The following SLC25A29 variants were observed in gnomAD, a reference collection of about 807,000 sequenced individuals.
SLC25A29 encodes solute carrier family 25 member 29.
A neutral mutation model predicts 10.0 loss-of-function variants in SLC25A29; 13 were observed. The ratio of observed to expected loss-of-function variants is 1.30; its 90% CI spans 0.85 to 2.07. The LOEUF (loss-of-function observed/expected upper bound fraction) is 2.07. Ranked by LOEUF, SLC25A29 falls within the 30% of genes most tolerant of loss-of-function variation. The pLI is 0.00. For synonymous variants in SLC25A29, 244 were observed against 221.1 expected (o/e 1.10, Z -0.92); for missense variants, 475 against 447.6 (o/e 1.06, Z -0.55).
At position 100,292,967 on chromosome 14, in the gene SLC25A29, C is replaced by T. The variant is rs1378321035; in HGVS notation, c.228G>A (p.Val76=). The T allele has an allele frequency of 1.2e-6, 2 of 1,601,230 alleles. No homozygotes were observed. Among genetic ancestry groups the T allele is most frequent in the South Asian group, 2.2e-5 (2 of 89,352 alleles). ...LMGLTFINAL[V]FGVQGNTLRA... is the part of the protein sequence containing the mutation. ...GGAGGGTGTTGCCCTGCACCCCGAA[C>T]ACCAGCGCGTTGATGAAGGTGAGCC... Residue 76 remains valine (V), a synonymous_variant, in exon 4 of 4, where the codon GTG becomes GTA. Coordinates refer to ENST00000359232, the MANE Select transcript of SLC25A29 (RefSeq NM_001039355.3).
At chr14:100,287,635 C>CA (rs1384166814), downstream of SLC25A29, among the ~76,000 whole-genome samples, 1 of 111,324 alleles carries the variant, frequency 9.0e-6, no homozygotes, top group Non-Finnish European at 2.0e-5. Context: ...ACCACCCCCC[C>CA]CCTCCGAATT....
chr14:100,302,506 C>T (rs759280605), intron 1 of SLC25A29, among the ~76,000 whole-genome samples: 36 of 151,802 alleles, frequency 2.4e-4, no homozygotes, highest in Non-Finnish European at 3.4e-4. Context: ...ACTACAGGTG[C>T]GTGCCACCAC....
chr14:100,289,568 C>T (rs1490821804), downstream of SLC25A29, among the ~76,000 whole-genome samples: 2 of 152,108 alleles, frequency 1.3e-5, no homozygotes, highest in African/African-American at 4.8e-5. Context: ...AGAGGCCGGG[C>T]GCAGTGGCTC....
downstream of SLC25A29, among the ~76,000 whole-genome samples, chr14:100,287,272 T>C (rs1410584158): frequency 6.6e-6 from 1 of 152,242 alleles, no homozygotes; most frequent in East Asian, 1.9e-4. Flanking sequence ...GGCTCTGAGA[T>C]TGGAAAAACA....
chr14:100,292,012 G>A lies in SLC25A29; in HGVS notation c.*271C>T. The stretch of plus-strand genomic sequence containing the variant: ...CCAGGATAACGGTGCAATGGCCTCA[G>A]CCAGGCCAGGTGCTGGCTGCTGCTG... On this transcript the variant is annotated 3_prime_UTR_variant, in exon 4 of 4. Coordinates refer to ENST00000359232, the MANE Select transcript of SLC25A29 (RefSeq NM_001039355.3). 6.1e-6 allele frequency: 3 copies of A among 488,790 alleles called. No homozygotes were observed. Among genetic ancestry groups the A allele is most frequent in the South Asian group, 2.2e-5 (1 of 46,154 alleles). The allele number at this position is 488,790 out of a possible 1,614,324, so 30.3% of individuals were successfully genotyped here.
At chr14:100,299,767 C>T (rs1892417918) in intron 1 of SLC25A29, 2 of 985,454 alleles carry the variant, frequency 2.0e-6, no homozygotes, top group South Asian at 4.7e-5. Context: ...CTCCCATGCT[C>T]CTCTCCCTGG....
At chr14:100,287,635 C>G (rs376337746), downstream of SLC25A29, among the ~76,000 whole-genome samples, 178 of 111,436 alleles carry the variant, frequency 1.6e-3, 4 homozygotes, top group African/African-American at 5.2e-3. Flanking sequence ...ACCACCCCCC[C>G]CCTCCGAATT....
chr14:100,301,082 G>A (rs1036286888), intron 1 of SLC25A29, among the ~76,000 whole-genome samples: 2 of 151,728 alleles, frequency 1.3e-5, no homozygotes. Flanking sequence ...TGTATGTTTA[G>A]TAGAGACAGA....
chr14:100,279,224 T>C, the SLC25A29 span: 1 of 152,232 alleles, frequency 6.6e-6, no homozygotes, highest in Non-Finnish European at 1.5e-5. Context: ...AGTGCAAACA[T>C]ACTGTGTGTC....
rs1595347376 is a variant in SLC25A29, at chr14:100,291,841, C to A, written c.*442G>T. ...CAGACCAGAGGGGTGGCCCACCACC[C>A]CCCCGGGTGGAGGATGTGTGGAGTT... On this transcript the variant is annotated 3_prime_UTR_variant, in exon 4 of 4. Coordinates refer to ENST00000359232, the MANE Select transcript of SLC25A29 (RefSeq NM_001039355.3). The A allele has an allele frequency of 4.1e-6, 1 of 241,370 alleles. No homozygotes were observed. Among genetic ancestry groups the A allele is most frequent in the Non-Finnish European group, 8.1e-6 (1 of 122,750 alleles). The allele number at this position is 241,370 out of a possible 1,614,324, so 15.0% of individuals were successfully genotyped here. A position where few individuals can be genotyped will look rare whatever the true frequency, so the allele number is the denominator to read the frequency against.
At chr14:100,288,744 G>A (rs772199510), downstream of SLC25A29, among the ~76,000 whole-genome samples, 10 of 152,148 alleles carry the variant, frequency 6.6e-5, no homozygotes, top group Non-Finnish European at 1.0e-4. Flanking sequence ...GACTGGAAAA[G>A]CAAATCAAGC....
chr14:100,292,116 T>A lies in SLC25A29; in HGVS notation c.*167A>T. On this transcript the variant is annotated 3_prime_UTR_variant, in exon 4 of 4. Transcript: ENST00000359232. ...TCATAGATGAGAACACTGAGGCAAG[T>A]GCAGTTCTCGGCCAAAACTACCCAG... The A allele has an allele frequency of 1.3e-6, 1 of 797,996 alleles. No homozygotes were observed. The highest frequency in any genetic ancestry group is 2.1e-6 in the Non-Finnish European group (1 of 486,976). 49.4% of individuals were successfully genotyped at this position (797,996 alleles called of 1,614,324 possible).
At chr14:100,299,243 C>G (rs1306469551) in intron 1 of SLC25A29, 3 of 1,105,956 alleles carry the variant, frequency 2.7e-6, no homozygotes, top group African/African-American at 3.3e-5. Context: ...ATCCAAACAC[C>G]TGACATGGGC....
At chr14:100,293,502 CTT>C (rs1276748558) in intron 2 of SLC25A29, 125 bp from the exon 3 acceptor site, 2 of 740,100 alleles carry the variant, frequency 2.7e-6, no homozygotes, top group African/African-American at 3.5e-5. Flanking sequence ...CAGTCTAAGA[CTT>C]TTGTAATTCC....
chr14:100,280,704 C>T, the SLC25A29 span: 1 of 152,034 alleles, frequency 6.6e-6, no homozygotes, highest in Non-Finnish European at 1.5e-5. Flanking sequence ...AATACCTGTC[C>T]GTGTTTCCAA....
the SLC25A29 span, chr14:100,282,898 A>G: frequency 3.9e-5 from 6 of 152,178 alleles, no homozygotes. Flanking sequence ...AGTTGCCTAA[A>G]CTGCCCGGGG....
At chr14:100,293,067 G>T (rs374383817) in intron 3 of SLC25A29, 35 bp from the exon 4 acceptor site, 4 of 1,496,244 alleles carry the variant, frequency 2.7e-6, no homozygotes, top group Non-Finnish European at 3.5e-6. Flanking sequence ...AGCCGGCAAC[G>T]CGCACCTCCC....
intron 1 of SLC25A29, among the ~76,000 whole-genome samples, chr14:100,301,211 T>C (rs376565933): frequency 5.9e-5 from 9 of 151,490 alleles, no homozygotes; most frequent in Middle Eastern, 3.5e-3. Context: ...TTCCCTTTCT[T>C]TTTTTGAGAG....
chr14:100,291,013 G>A (rs1165373704), downstream of SLC25A29: 1 of 152,314 alleles, frequency 6.6e-6, no homozygotes, highest in Non-Finnish European at 1.5e-5. Context: ...GCTGCTGTCA[G>A]GGTCCAAGGG....
Sources: allele counts gnomAD v4.1 joint callset (sites outside exome capture counted in the v4.1 genomes callset), GRCh38; gene constraint gnomAD v4.1.1; transcripts MANE v1.5; gene names NCBI Gene and HGNC (gene_info 2026-07-23, HGNC 2026-07-21).